FSTL5: variants seen among roughly 807,000 people sequenced by gnomAD.
The protein encoded by FSTL5 is follistatin like 5.
Under a neutral mutation model 89.1 loss-of-function variants are expected in FSTL5, and 62 were observed. That is an observed-to-expected ratio of 0.70 (90% confidence interval 0.57 to 0.86). FSTL5 has a LOEUF of 0.86. Among genes scored for constraint, FSTL5 ranks in the 40% least tolerant of loss-of-function variants. FSTL5 has a pLI of 0.00. For missense variants in FSTL5, 1,057 were observed against 1,001.6 expected (o/e 1.06, Z -0.75); for synonymous variants, 383 against 346.2 (o/e 1.11, Z -1.18).
Position 161,944,781 on chromosome 4 carries a change from TGGTTA to T in FSTL5, c.161-24134_161-24130del, listed in dbSNP as rs1734691984. 3.3e-5 allele frequency among the ~76,000 whole-genome samples: 5 copies of T among 151,966 alleles called. No individual in the cohort carries two copies. The South Asian group carries it at 1.0e-3, about 32-fold the overall frequency. On this transcript the variant is annotated intron_variant, in intron 3 of 15. Coordinates refer to ENST00000306100, the MANE Select transcript of FSTL5 (RefSeq NM_020116.5). ...TTTTGATATTACTAGCTTTATAGTTTGGTTAGTATTTAATTTATAATTTTGTTTGT... is the reference window on the plus strand; with the variant it reads ...TTTTGATATTACTAGCTTTATAGTTTGTATTTAATTTATAATTTTGTTTGT...
At chr4:162,022,518 A>G (rs1206564253) in intron 3 of FSTL5, among the ~76,000 whole-genome samples, 2 of 152,156 alleles carry the variant, frequency 1.3e-5, no homozygotes, top group African/African-American at 4.8e-5. Flanking sequence ...AGATTGCCAT[A>G]TAAAGAAAAA....
At chr4:162,105,460 C>G (rs576683712) in intron 2 of FSTL5, among the ~76,000 whole-genome samples, 3 of 151,948 alleles carry the variant, frequency 2.0e-5, no homozygotes. Flanking sequence ...ATAAAATATA[C>G]GGAACTATTA....
chr4:161,418,707 T>C (rs1003602695), intron 15 of FSTL5, among the ~76,000 whole-genome samples: 2 of 152,204 alleles, frequency 1.3e-5, no homozygotes, highest in African/African-American at 4.8e-5. Context: ...TTTATGTCAT[T>C]AGTTTATATG....
At chr4:161,656,064 A>G (rs1001474785) in intron 7 of FSTL5, among the ~76,000 whole-genome samples, 3 of 152,174 alleles carry the variant, frequency 2.0e-5, no homozygotes, top group Admixed American at 2.0e-4. Flanking sequence ...AACTTAATAG[A>G]TATTCCCTGT....
At chr4:161,930,903 A>G (rs768101359) in intron 3 of FSTL5, among the ~76,000 whole-genome samples, 8 of 151,892 alleles carry the variant, frequency 5.3e-5, no homozygotes, top group Admixed American at 2.6e-4. Flanking sequence ...CACGGAGTCA[A>G]TCTGCTGCCT....
At chr4:162,125,223 T>C (rs1732033112) in intron 1 of FSTL5, among the ~76,000 whole-genome samples, 1 of 152,196 alleles carries the variant, frequency 6.6e-6, no homozygotes. Context: ...ATTTTTACTT[T>C]ATACAACTTT....
chr4:161,804,533 C>T (rs57467686), intron 4 of FSTL5, among the ~76,000 whole-genome samples: 22,493 of 48,282 alleles, frequency 0.47, 3,278 homozygotes, highest in African/African-American at 0.53. Flanking sequence ...TGTACAACCA[C>T]TGTTTTTTCA....
chr4:161,585,698 C>T (rs1480226819), intron 8 of FSTL5, among the ~76,000 whole-genome samples: 1 of 151,990 alleles, frequency 6.6e-6, no homozygotes, highest in African/African-American at 2.4e-5. Context: ...GAACAATTTC[C>T]CCATGGATGC....
chr4:161,563,757 G>C (rs916864864), intron 8 of FSTL5, among the ~76,000 whole-genome samples: 1 of 151,862 alleles, frequency 6.6e-6, no homozygotes, highest in African/African-American at 2.4e-5. Flanking sequence ...TATTGTTCTT[G>C]TCAGTTATAC....
intron 1 of FSTL5, among the ~76,000 whole-genome samples, chr4:162,153,694 T>TATATATTATATATGTATATAATA (rs1733333855): frequency 5.6e-5 from 7 of 124,742 alleles, no homozygotes; most frequent in East Asian, 2.5e-4. Context: ...TATAATAATA[T>TATATATTATATATGTATATAATA]ATATGTATAT....
intron 2 of FSTL5, among the ~76,000 whole-genome samples, chr4:162,045,532 G>A (rs565644277): frequency 6.6e-6 from 1 of 152,042 alleles, no homozygotes; most frequent in East Asian, 1.9e-4. Flanking sequence ...TTTTTAAAGA[G>A]ATCACTTATC....
intron 3 of FSTL5, among the ~76,000 whole-genome samples, chr4:162,005,739 C>A (rs535995104): frequency 6.6e-6 from 1 of 152,240 alleles, no homozygotes; most frequent in East Asian, 1.9e-4. Context: ...TGACCCCTTT[C>A]TATACACCAT....
chr4:161,823,911 A>G (rs1212248786), intron 4 of FSTL5, among the ~76,000 whole-genome samples: 1 of 152,206 alleles, frequency 6.6e-6, no homozygotes, highest in African/African-American at 2.4e-5. Context: ...TCTGGATACT[A>G]GTCCTTTGTC....
At chr4:161,475,620 AT>A (rs146959271) in intron 13 of FSTL5, among the ~76,000 whole-genome samples, 4,399 of 151,918 alleles carry the variant, frequency 0.029, 149 homozygotes, top group East Asian at 0.13. Flanking sequence ...TAACATTTCC[AT>A]TTTGTTTTTA....
chr4:161,404,049 A>C (rs1204481006), intron 15 of FSTL5, among the ~76,000 whole-genome samples: 1 of 152,218 alleles, frequency 6.6e-6, no homozygotes, highest in Non-Finnish European at 1.5e-5. Context: ...ACCTGATTTC[A>C]GAGTTCACAG....
intron 6 of FSTL5, among the ~76,000 whole-genome samples, chr4:161,668,521 C>T (rs1736976019): frequency 1.3e-5 from 2 of 152,124 alleles, no homozygotes; most frequent in African/African-American, 4.8e-5. Context: ...TCTCTGAGAC[C>T]ATTATTACCC....
In FSTL5 at chr4:161,542,058, A is replaced by T. The variant is rs186370065; in HGVS notation, c.1177+474T>A. On this transcript the variant is annotated intron_variant, in intron 9 of 15. Transcript: ENST00000306100. ...GTAACACAAACTTTAAAAAATGTAA[A>T]TGGAAAACATTTAGTAACTTTTTGA... Among the ~76,000 whole-genome samples the T allele has an allele frequency of 8.2e-3, 1,248 of 152,084 alleles. 8 individuals are homozygous for T. The highest frequency in any genetic ancestry group is 0.028 in the Middle Eastern group (8 of 284).
Position 161,534,722 on chromosome 4 carries a change from C to G in FSTL5, c.1312+3444G>C, listed in dbSNP as rs566751775. Among the ~76,000 whole-genome samples the G allele has an allele frequency of 2.8e-4, 43 of 152,208 alleles. 1 individual carries two copies. Among genetic ancestry groups the G allele is most frequent in the African/African-American group, 1.0e-3 (42 of 41,554 alleles). On this transcript the variant is annotated intron_variant, in intron 10 of 15. Transcript: ENST00000306100. ...TTGTATCTCACAGTATTAGAAAAAT[C>G]TATCCTCAAATTCATTTGGAACCAA...
At chr4:161,467,766 T>C (rs570140926) in intron 13 of FSTL5, among the ~76,000 whole-genome samples, 2 of 152,140 alleles carry the variant, frequency 1.3e-5, no homozygotes, top group Non-Finnish European at 2.9e-5. Flanking sequence ...AAGAGAGTTA[T>C]GGAACTCATT....
Sources: gnomAD v4.1 joint callset for allele counts (sites outside exome capture counted in the v4.1 genomes callset) on GRCh38, gnomAD v4.1.1 for gene constraint, MANE v1.5 for transcripts, NCBI Gene and HGNC (gene_info 2026-07-23, HGNC 2026-07-21) for gene names.